Variants in RALYL observed in about 807,000 individuals in gnomAD.
RALYL encodes the protein RNA-binding Raly-like protein.
RALYL carries 29 observed loss-of-function variants against 35.1 expected under a neutral mutation model. That is an observed-to-expected ratio of 0.83 (90% confidence interval 0.61 to 1.13). The LOEUF is 1.13. RALYL is among the 50% of genes most tolerant of loss of function. The pLI is 0.00. For missense variants in RALYL, 359 were observed against 360.4 expected, an observed-to-expected ratio of 1.00 and a Z score of 0.03; for synonymous variants, 120 against 127.6, an observed-to-expected ratio of 0.94 and a Z score of 0.40.
intron 1 of RALYL, among the ~76,000 whole-genome samples, chr8:84,463,773 C>A (rs953258882): frequency 6.6e-6 from 1 of 152,156 alleles, no homozygotes; most frequent in Admixed American, 6.6e-5. Flanking sequence ...AAATAATTTA[C>A]ATACCTTAAA....
chr8:84,882,125 A>G (rs1842259555), intron 7 of RALYL, among the ~76,000 whole-genome samples: 1 of 151,916 alleles, frequency 6.6e-6, no homozygotes, highest in African/African-American at 2.4e-5. Context: ...TCTTTTTGTA[A>G]TCCATAATGT....
intron 4 of RALYL, among the ~76,000 whole-genome samples, chr8:84,832,630 T>C (rs1217577673): frequency 6.6e-6 from 1 of 152,168 alleles, no homozygotes; most frequent in Non-Finnish European, 1.5e-5. Flanking sequence ...TATCAGCTTT[T>C]GAAAATCTGT....
intron 2 of RALYL, among the ~76,000 whole-genome samples, chr8:84,678,630 G>A (rs1191745531): frequency 6.6e-6 from 1 of 152,116 alleles, no homozygotes; most frequent in Admixed American, 6.6e-5. Flanking sequence ...GCTGCAAAAG[G>A]TCAGAAAAAT....
intron 2 of RALYL, among the ~76,000 whole-genome samples, chr8:84,622,568 A>T (rs1464749206): frequency 6.6e-6 from 1 of 152,166 alleles, no homozygotes; most frequent in Non-Finnish European, 1.5e-5. Flanking sequence ...GTGTCCAGGG[A>T]TCAGGACAAC....
chr8:84,299,745 T>A (rs1192285510), intron 1 of RALYL, among the ~76,000 whole-genome samples: 1 of 152,106 alleles, frequency 6.6e-6, no homozygotes, highest in African/African-American at 2.4e-5. Context: ...TATTCTAATT[T>A]GTGTGCATAG....
chr8:84,383,312 T>G (rs565803182), intron 1 of RALYL, among the ~76,000 whole-genome samples: 1 of 151,688 alleles, frequency 6.6e-6, no homozygotes, highest in Admixed American at 6.6e-5. Flanking sequence ...GAGGGTCTTT[T>G]ATGGGGAATC....
chr8:84,555,607 A>G (rs887985672), intron 2 of RALYL, among the ~76,000 whole-genome samples: 1 of 152,214 alleles, frequency 6.6e-6, no homozygotes, highest in Non-Finnish European at 1.5e-5. Flanking sequence ...GATAAATAAA[A>G]GTAATGTGAA....
chr8:84,687,801 C>T (rs554204431), intron 2 of RALYL, among the ~76,000 whole-genome samples: 15 of 151,964 alleles, frequency 9.9e-5, no homozygotes, highest in Non-Finnish European at 2.2e-4. Flanking sequence ...ATCTTGAAGA[C>T]AGTTGTGTCA....
At chr8:84,813,557 C>A (rs1436050423) in intron 4 of RALYL, among the ~76,000 whole-genome samples, 3 of 152,180 alleles carry the variant, frequency 2.0e-5, no homozygotes, top group Non-Finnish European at 4.4e-5. Context: ...TTGTCCACAG[C>A]ACACCTCACT....
chr8:84,417,215 T>G (rs867531243), intron 1 of RALYL, among the ~76,000 whole-genome samples: 5 of 152,084 alleles, frequency 3.3e-5, no homozygotes, highest in African/African-American at 9.7e-5. Flanking sequence ...AAAAACATAG[T>G]ATTTTTAAGA....
intron 4 of RALYL, among the ~76,000 whole-genome samples, chr8:84,834,775 GT>G (rs1387452296): frequency 6.6e-6 from 1 of 152,174 alleles, no homozygotes; most frequent in African/African-American, 2.4e-5. Flanking sequence ...ATATACAGGT[GT>G]TTGAAAATTT....
intron 1 of RALYL, among the ~76,000 whole-genome samples, chr8:84,524,318 G>A (rs1216185617): frequency 6.6e-6 from 1 of 152,094 alleles, no homozygotes; most frequent in Non-Finnish European, 1.5e-5. Flanking sequence ...CTCAAAAGAA[G>A]ACATTTATGC....
rs1189058806 is a variant in RALYL at position 84,568,988 on chromosome 8, T to G, written c.256+39411T>G. On this transcript the variant is annotated intron_variant, in intron 2 of 8. Coordinates refer to ENST00000521268, the MANE Select transcript of RALYL (RefSeq NM_173848.7). Reference sequence around the variant, plus strand: ...GTAGGTTGCGAAAATTTTCTCCCATTTTGTAGGTTGCCTGTTCACTCTGAT... The same window carrying G: ...GTAGGTTGCGAAAATTTTCTCCCATGTTGTAGGTTGCCTGTTCACTCTGAT... Among the ~76,000 whole-genome samples the G allele has an allele frequency of 3.6e-4, 53 of 148,938 alleles. No individual in the cohort carries two copies. The East Asian group carries it at 8.7e-3, about 25-fold the overall frequency.
chr8:84,523,390 G>C (rs1261709125), intron 1 of RALYL, among the ~76,000 whole-genome samples: 1 of 151,956 alleles, frequency 6.6e-6, no homozygotes, highest in African/African-American at 2.4e-5. Flanking sequence ...CCTCCCACTG[G>C]GTCCCTCCCA....
chr8:84,275,708 A>G (rs969166382), intron 1 of RALYL, among the ~76,000 whole-genome samples: 4 of 152,094 alleles, frequency 2.6e-5, no homozygotes, highest in Non-Finnish European at 4.4e-5. Flanking sequence ...AACGCCTGGT[A>G]ACCAACATGC....
At chr8:84,264,775 T>C (rs1832971677) in intron 1 of RALYL, among the ~76,000 whole-genome samples, 1 of 151,906 alleles carries the variant, frequency 6.6e-6, no homozygotes, top group African/African-American at 2.4e-5. Context: ...AAATCAACAA[T>C]GACTGATGTT....
chr8:84,211,256 C>A (rs2131166465), intron 1 of RALYL, among the ~76,000 whole-genome samples: 1 of 152,236 alleles, frequency 6.6e-6, no homozygotes. Context: ...ATAACTCCTA[C>A]CACAAGATTG....
intron 4 of RALYL, among the ~76,000 whole-genome samples, chr8:84,843,587 T>G (rs938139561): frequency 6.6e-6 from 1 of 152,180 alleles, no homozygotes; most frequent in Non-Finnish European, 1.5e-5. Context: ...AAGCTACCAA[T>G]GACTTTCTTC....
At chr8:84,753,016 G>T (rs1025601527) in intron 2 of RALYL, among the ~76,000 whole-genome samples, 7 of 152,152 alleles carry the variant, frequency 4.6e-5, no homozygotes, top group African/African-American at 1.7e-4. Context: ...CTTGCATTGT[G>T]TGCCTGGAAA....
Sources: allele counts gnomAD v4.1 joint callset (sites outside exome capture counted in the v4.1 genomes callset), GRCh38; gene constraint gnomAD v4.1.1; transcripts MANE v1.5; gene names NCBI Gene and HGNC (gene_info 2026-07-23, HGNC 2026-07-21).